Variants in CORIN observed in about 807,000 individuals in gnomAD.
CORIN encodes the protein corin, serine peptidase.
CORIN carries 117 observed loss-of-function variants against 125.3 expected under a neutral mutation model. The observed-to-expected ratio is 0.93, with a 90% confidence interval of 0.80 to 1.09. CORIN has a LOEUF of 1.09. CORIN is among the 50% of genes least tolerant of loss of function. The pLI is 0.00. For missense variants in CORIN, 1,253 were observed against 1,306.7 expected (o/e 0.96, Z 0.63); for synonymous variants, 450 against 466.4 (o/e 0.96, Z 0.45).
intron 14 of CORIN, 121 bp from the exon 15 acceptor site, chr4:47,643,377 G>A: frequency 2.3e-6 from 2 of 851,744 alleles, no homozygotes; most frequent in East Asian, 5.3e-5. Flanking sequence ...TGATCACTGA[G>A]GCTTCCAAAC....
At chr4:47,691,760 G>T (rs1180107158) in intron 6 of CORIN, among the ~76,000 whole-genome samples, 1 of 150,776 alleles carries the variant, frequency 6.6e-6, no homozygotes. Context: ...CATTATTCCA[G>T]ACTCAGATAC....
intron 3 of CORIN, among the ~76,000 whole-genome samples, chr4:47,767,278 A>G (rs531981833): frequency 1.4e-4 from 21 of 152,234 alleles, no homozygotes; most frequent in African/African-American, 4.8e-4. Context: ...GGGAGATATT[A>G]AAGATCTGTA....
chr4:47,708,563 G>A (rs563502890), intron 5 of CORIN, among the ~76,000 whole-genome samples: 1 of 152,044 alleles, frequency 6.6e-6, no homozygotes, highest in African/African-American at 2.4e-5. Context: ...GACATCTTTG[G>A]GGGGGTCATT....
intron 5 of CORIN, among the ~76,000 whole-genome samples, chr4:47,735,418 A>T (rs547671772): frequency 2.8e-4 from 43 of 152,354 alleles, no homozygotes; most frequent in Non-Finnish European, 5.1e-4. Flanking sequence ...ATTCTAAAAA[A>T]GATTATCTGA....
intron 17 of CORIN, among the ~76,000 whole-genome samples, chr4:47,625,151 C>T (rs946976546): frequency 6.6e-6 from 1 of 152,082 alleles, no homozygotes; most frequent in Non-Finnish European, 1.5e-5. Context: ...ATTTTCACCC[C>T]CATATAGTGT....
Position 47,595,882 on chromosome 4 carries a change from C to CA in CORIN, c.2967dup (p.Val990CysfsTer3), listed in dbSNP as rs537109357. On this transcript the variant is annotated frameshift_variant, in exon 22 of 22. Transcript: ENST00000273857. LOFTEE classifies it high-confidence loss of function. ...CACCGTCCTCCAGGCTTCTCACAAA[C>CA]AAGAGGCCCACCGCTGTCACCCTGC... is the stretch of plus-strand genomic sequence containing the variant. 5.6e-5 allele frequency: 90 copies of CA among 1,610,618 alleles called. 1 individual carries two copies. In the East Asian group the frequency reaches 1.4e-3, roughly 25 times the overall value.
intron 2 of CORIN, among the ~76,000 whole-genome samples, chr4:47,792,612 T>C (rs1731128829): frequency 6.6e-6 from 1 of 152,212 alleles, no homozygotes; most frequent in Non-Finnish European, 1.5e-5. Flanking sequence ...ATATCGTTAG[T>C]GTTGTTCATC....
intron 4 of CORIN, among the ~76,000 whole-genome samples, 157 bp from the exon 5 acceptor site, chr4:47,744,740 G>C (rs938515352): frequency 1.3e-5 from 2 of 152,190 alleles, no homozygotes; most frequent in African/African-American, 4.8e-5. Flanking sequence ...TCCTATGACA[G>C]TGATTTTAGC....
At chr4:47,597,662 C>T (rs75625276) in intron 21 of CORIN, among the ~76,000 whole-genome samples, 151 of 152,230 alleles carry the variant, frequency 9.9e-4, no homozygotes, top group African/African-American at 3.5e-3. Flanking sequence ...TTGATCTCTC[C>T]TTATATAAAA....
Position 47,623,639 on chromosome 4 carries a change from AC to A in CORIN, c.2471del (p.Ser824MetfsTer16). 1 of 1,614,216 alleles carries A rather than the reference AC, an allele frequency of 6.2e-7. No homozygotes were observed. On this transcript the variant is annotated frameshift_variant, in exon 19 of 22. Coordinates refer to ENST00000273857, the MANE Select transcript of CORIN (RefSeq NM_006587.4). LOFTEE classifies it high-confidence loss of function. Reference protein sequence around the residue: ...PWQCSLQSEPSGHICGCVLIA... With the variant: ...PWQCSLQSEPXGHICGCVLIA... ...TGAGGACACAGCCACAGATATGTCC[AC>A]TGGGTTCACTCTGCAGAGAACACTG...
chr4:47,674,260 T>C (rs1411894082), intron 10 of CORIN, 133 bp downstream of exon 10: 4 of 663,926 alleles, frequency 6.0e-6, no homozygotes, highest in Non-Finnish European at 2.6e-6. Flanking sequence ...ATGCGACCTT[T>C]TAAAAAGAAA....
At chr4:47,805,148 A>AAAATAATAATAATAAT (rs796469224) in intron 2 of CORIN, among the ~76,000 whole-genome samples, 5 of 129,160 alleles carry the variant, frequency 3.9e-5, no homozygotes, top group African/African-American at 1.5e-4. Context: ...AAAAAAAAAA[A>AAAATAATAATAATAAT]AATAATAATA....
chr4:47,600,322 C>T lies in CORIN; in HGVS notation c.2838G>A (p.Glu946=), dbSNP rs1169457101. The change falls in exon 21 of 22, where the codon GAG becomes GAA. Residue 946 remains glutamate, a synonymous_variant. Transcript: ENST00000273857. ...NKMPFKLQEG[E]VRIISLEHCQ... is the part of the protein sequence containing the mutation. ...AATGTTCCAGAGAAATAATGCGGACCTCTCCCTCTTGCAGCTTAAATGGCA... is the reference window on the plus strand; with the variant it reads ...AATGTTCCAGAGAAATAATGCGGACTTCTCCCTCTTGCAGCTTAAATGGCA... The T allele has an allele frequency of 6.2e-6, 10 of 1,612,460 alleles. No homozygotes were observed. Among genetic ancestry groups the T allele is most frequent in the South Asian group, 3.3e-5 (3 of 90,774 alleles).
intron 3 of CORIN, among the ~76,000 whole-genome samples, chr4:47,780,958 G>A (rs1273360647): frequency 6.8e-6 from 1 of 147,826 alleles, no homozygotes; most frequent in Non-Finnish European, 1.5e-5. Flanking sequence ...GAATTTAAAC[G>A]TTTCAATATT....
intron 3 of CORIN, among the ~76,000 whole-genome samples, chr4:47,772,888 CT>C (rs1310380225): frequency 6.6e-6 from 1 of 151,960 alleles, no homozygotes; most frequent in Non-Finnish European, 1.5e-5. Context: ...TTTCATTCTG[CT>C]TTTTTCTTCT....
intron 19 of CORIN, among the ~76,000 whole-genome samples, chr4:47,620,116 G>A (rs1722246149): frequency 6.6e-6 from 1 of 151,986 alleles, no homozygotes; most frequent in South Asian, 2.1e-4. Flanking sequence ...CTAATTACTT[G>A]TTTAAAAGTG....
chr4:47,634,098 G>A (rs899371958), intron 16 of CORIN, among the ~76,000 whole-genome samples: 5 of 152,130 alleles, frequency 3.3e-5, no homozygotes, highest in African/African-American at 1.2e-4. Context: ...AAATGTAATT[G>A]ATTACTAAAG....
intron 11 of CORIN, among the ~76,000 whole-genome samples, chr4:47,664,629 C>T (rs1724391400): frequency 6.6e-6 from 1 of 152,140 alleles, no homozygotes; most frequent in Non-Finnish European, 1.5e-5. Context: ...ACTATGTATT[C>T]TTATGTCATA....
At position 47,680,169 on chromosome 4, in the gene CORIN, A is replaced by T; in HGVS notation, c.1104T>A (p.Cys368Ter). Residue 368 changes from cysteine to a stop codon, truncating the protein, a stop_gained, in exon 8 of 22, where the codon TGT becomes TGA. Coordinates refer to ENST00000273857, the MANE Select transcript of CORIN (RefSeq NM_006587.4). LOFTEE classifies it high-confidence loss of function. ...MEWVCDGDHD[C>*]VDKSDEVNCS... ...AGTTGACCTCGTCAGACTTATCCAC[A>T]CAGTCGTGGTCACCATCACACACCC... 1 of 1,613,756 alleles carries T rather than the reference A, an allele frequency of 6.2e-7. No homozygotes were observed. The highest frequency in any genetic ancestry group is 1.1e-5 in the South Asian group (1 of 91,082).
Sources: allele counts gnomAD v4.1 joint callset (sites outside exome capture counted in the v4.1 genomes callset), GRCh38; gene constraint gnomAD v4.1.1; transcripts MANE v1.5; gene names NCBI Gene and HGNC (gene_info 2026-07-23, HGNC 2026-07-21).